Variants in TGFA observed in about 807,000 individuals in gnomAD.
TGFA encodes transforming growth factor alpha, also known as protransforming growth factor alpha.
In TGFA, 12 loss-of-function variants were observed where a neutral mutation model predicts 21.7. The observed-to-expected ratio is 0.55, with a 90% CI of 0.35 to 0.90. The LOEUF is 0.90. Ranked by LOEUF, TGFA falls within the 40% of genes least tolerant of loss-of-function variation. The pLI is 0.01. For missense variants in TGFA, 178 were observed against 210.8 expected, an observed-to-expected ratio of 0.84 and a Z score of 0.96; for synonymous variants, 79 against 88.1, an observed-to-expected ratio of 0.90 and a Z score of 0.58.
intron 1 of TGFA, among the ~76,000 whole-genome samples, chr2:70,516,691 A>G (rs967974419): frequency 1.3e-4 from 20 of 152,172 alleles, no homozygotes; most frequent in African/African-American, 4.8e-4. Flanking sequence ...TCCCCATCCA[A>G]GCCGGGAAAA....
intron 2 of TGFA, among the ~76,000 whole-genome samples, chr2:70,507,808 A>T (rs181745816): frequency 8.5e-4 from 130 of 152,310 alleles, no homozygotes; most frequent in Middle Eastern, 3.4e-3. Flanking sequence ...AGCTCCACTT[A>T]AACCAAGGCC....
intron 2 of TGFA, among the ~76,000 whole-genome samples, chr2:70,500,618 G>T (rs1574107264): frequency 6.6e-6 from 1 of 152,136 alleles, no homozygotes; most frequent in Non-Finnish European, 1.5e-5. Context: ...GACTTGAAAC[G>T]TGACCAGTAG....
intron 1 of TGFA, among the ~76,000 whole-genome samples, chr2:70,521,627 T>TTTTTTTTTTTTTTTTTTTTTTG (rs1672474050): frequency 7.4e-6 from 1 of 135,562 alleles, no homozygotes; most frequent in African/African-American, 2.9e-5. Context: ...GTTTTTTTTT[T>TTTTTTTTTTTTTTTTTTTTTTG]TTTTTTTTTT....
chr2:70,488,453 A>G (rs1671331746), intron 2 of TGFA, among the ~76,000 whole-genome samples: 1 of 152,144 alleles, frequency 6.6e-6, no homozygotes, highest in African/African-American at 2.4e-5. Context: ...TCATCTCCTT[A>G]TTGATTTGAA....
chr2:70,494,845 G>A (rs902471704), intron 2 of TGFA, among the ~76,000 whole-genome samples: 8 of 152,146 alleles, frequency 5.3e-5, no homozygotes, highest in Non-Finnish European at 1.0e-4. Context: ...TGTTATTGGT[G>A]TGTGAGTTTA....
chr2:70,489,041 C>T lies in TGFA; in HGVS notation c.95-23305G>A, dbSNP rs13400498. 6.4e-3 allele frequency among the ~76,000 whole-genome samples: 977 copies of T among 152,300 alleles called. 12 individuals are homozygous for T. Among genetic ancestry groups the T allele is most frequent in the African/African-American group, 0.022 (931 of 41,568 alleles). On this transcript the variant is annotated intron_variant, in intron 2 of 5. Transcript: ENST00000295400. ...GGCTGGAAAGATGGCACAAAAGATT[C>T]CGAGTCAGCAGCACGGGCCCCAGTA...
intron 2 of TGFA, among the ~76,000 whole-genome samples, chr2:70,466,275 G>A (rs782226876): frequency 2.0e-5 from 3 of 152,192 alleles, no homozygotes; most frequent in Non-Finnish European, 4.4e-5. Context: ...CTGGGAGGCC[G>A]AGGCAGACGG....
chr2:70,498,338 C>T (rs1421688711), intron 2 of TGFA, among the ~76,000 whole-genome samples: 2 of 152,254 alleles, frequency 1.3e-5, no homozygotes, highest in Admixed American at 1.3e-4. Context: ...CCCCAGGGCC[C>T]TGCCTTTCCT....
chr2:70,516,544 G>A (rs560459939), intron 1 of TGFA, among the ~76,000 whole-genome samples: 5 of 152,240 alleles, frequency 3.3e-5, no homozygotes, highest in African/African-American at 1.2e-4. Context: ...CAGGGCAGGG[G>A]GACAGGGAGA....
intron 3 of TGFA, among the ~76,000 whole-genome samples, chr2:70,462,771 CA>C (rs1343084972): frequency 6.6e-6 from 1 of 152,094 alleles, no homozygotes; most frequent in African/African-American, 2.4e-5. Flanking sequence ...CATCAAGATC[CA>C]GGGGGGAAAC....
rs781968763 is a variant in TGFA, at chr2:70,546,018, G to T, written c.40+7710C>A. The stretch of plus-strand genomic sequence containing the variant: ...AACAAATACTACATATGAAAACTGG[G>T]CTGAGATCATTTTTCTCCAATCAAC... On this transcript the variant is annotated intron_variant, in intron 1 of 5. Coordinates refer to ENST00000295400, the MANE Select transcript of TGFA (RefSeq NM_003236.4). Among the ~76,000 whole-genome samples, 4 of 152,222 alleles carry T rather than the reference G, an allele frequency of 2.6e-5. No individual in the cohort carries two copies. The South Asian group carries it at 8.3e-4, about 32-fold the overall frequency.
chr2:70,510,830 C>CT (rs879981957), intron 2 of TGFA, among the ~76,000 whole-genome samples: 12 of 151,616 alleles, frequency 7.9e-5, no homozygotes, highest in South Asian at 2.1e-4. Flanking sequence ...GAACACAGAA[C>CT]TTTTTTTTTC....
chr2:70,513,032 T>C (rs782230495), intron 2 of TGFA, among the ~76,000 whole-genome samples: 3 of 152,172 alleles, frequency 2.0e-5, no homozygotes, highest in Non-Finnish European at 2.9e-5. Flanking sequence ...AAGGCCTTTA[T>C]ACCTCAGTTC....
intron 2 of TGFA, among the ~76,000 whole-genome samples, chr2:70,500,887 C>T (rs1671718656): frequency 6.6e-6 from 1 of 151,956 alleles, no homozygotes; most frequent in Admixed American, 6.5e-5. Context: ...TTGATTGTTT[C>T]CTTGGCTGTG....
At chr2:70,541,484 T>G (rs1673129147) in intron 1 of TGFA, among the ~76,000 whole-genome samples, 1 of 152,184 alleles carries the variant, frequency 6.6e-6, no homozygotes, top group Non-Finnish European at 1.5e-5. Flanking sequence ...TGAGTCAATC[T>G]GGGGGTGTTT....
intron 1 of TGFA, among the ~76,000 whole-genome samples, chr2:70,552,921 G>A (rs553726579): frequency 7.2e-5 from 11 of 152,334 alleles, no homozygotes; most frequent in Non-Finnish European, 1.5e-4. Flanking sequence ...CAGGAGGCGC[G>A]CGGCGCTGCG....
intron 1 of TGFA, among the ~76,000 whole-genome samples, chr2:70,530,837 G>T (rs1672795509): frequency 6.6e-6 from 1 of 152,226 alleles, no homozygotes; most frequent in Admixed American, 6.5e-5. Flanking sequence ...CTCGGTGCTG[G>T]CCTGGTACCA....
intron 1 of TGFA, 193 bp downstream of exon 1, chr2:70,553,535 G>A: frequency 7.3e-7 from 1 of 1,376,224 alleles, no homozygotes; most frequent in Non-Finnish European, 9.3e-7. Flanking sequence ...AAGCCTCGGC[G>A]CTCGACCGGA....
Position 70,458,626 on chromosome 2 carries a change from C to T in TGFA, c.216-2138G>A, listed in dbSNP as rs528879844. ...ATCTCAACTCCGGCTACCTTTTCCACCTGGAATATCATTCCTCACTCTCCT... is the reference window on the plus strand; with the variant it reads ...ATCTCAACTCCGGCTACCTTTTCCATCTGGAATATCATTCCTCACTCTCCT... On this transcript the variant is annotated intron_variant, in intron 3 of 5. Coordinates refer to ENST00000295400, the MANE Select transcript of TGFA (RefSeq NM_003236.4). 1.2e-4 allele frequency among the ~76,000 whole-genome samples: 18 copies of T among 152,352 alleles called. No individual in the cohort carries two copies. In the East Asian group the frequency reaches 3.5e-3, roughly 29 times the overall value.
Sources: gnomAD v4.1 joint callset for allele counts (sites outside exome capture counted in the v4.1 genomes callset) on GRCh38, gnomAD v4.1.1 for gene constraint, MANE v1.5 for transcripts, NCBI Gene and HGNC (gene_info 2026-07-23, HGNC 2026-07-21) for gene names.